Variants in FBXL7 observed in about 807,000 individuals in gnomAD.
The protein encoded by FBXL7 is F-box and leucine rich repeat protein 7.
In FBXL7, 12 loss-of-function variants were observed where a neutral mutation model predicts 38.3. The observed-to-expected ratio is 0.31, with a 90% CI of 0.20 to 0.51. The LOEUF is 0.51. Among genes scored for constraint, FBXL7 ranks in the 20% least tolerant of loss-of-function variants. The pLI is 0.98. For synonymous variants in FBXL7, 297 were observed against 300.9 expected, an observed-to-expected ratio of 0.99 and a Z score of 0.13; for missense variants, 567 against 676.4, an observed-to-expected ratio of 0.84 and a Z score of 1.79.
intron 1 of FBXL7, among the ~76,000 whole-genome samples, chr5:15,555,480 C>T (rs985623890): frequency 3.9e-5 from 6 of 152,242 alleles, no homozygotes; most frequent in Admixed American, 2.0e-4. Context: ...GGACCTTACC[C>T]GGCATCCTGG....
At chr5:15,528,178 A>C (rs1737305692) in intron 1 of FBXL7, among the ~76,000 whole-genome samples, 1 of 152,148 alleles carries the variant, frequency 6.6e-6, no homozygotes, top group African/African-American at 2.4e-5. Context: ...TAGGAAGAGT[A>C]TCGGGGACCC....
At chr5:15,757,742 A>C (rs931402963) in intron 2 of FBXL7, among the ~76,000 whole-genome samples, 1 of 152,086 alleles carries the variant, frequency 6.6e-6, no homozygotes, top group African/African-American at 2.4e-5. Flanking sequence ...TCTTTTGAGG[A>C]TAGAAGTTGG....
intron 2 of FBXL7, among the ~76,000 whole-genome samples, chr5:15,701,722 G>T (rs1743530074): frequency 6.6e-6 from 1 of 152,110 alleles, no homozygotes; most frequent in South Asian, 2.1e-4. Context: ...AACATAACAT[G>T]AAATTCAGGA....
intron 2 of FBXL7, among the ~76,000 whole-genome samples, chr5:15,634,440 G>A (rs1741111547): frequency 6.7e-6 from 1 of 149,016 alleles, no homozygotes; most frequent in Non-Finnish European, 1.5e-5. Context: ...TCCTGCCTCA[G>A]CCTCCCGAGC....
At chr5:15,689,129 C>T (rs1360850318) in intron 2 of FBXL7, among the ~76,000 whole-genome samples, 10 of 152,314 alleles carry the variant, frequency 6.6e-5, no homozygotes, top group South Asian at 6.2e-4. Context: ...ATGGGCAATG[C>T]GACAGCTCCT....
intron 2 of FBXL7, among the ~76,000 whole-genome samples, chr5:15,764,700 T>C (rs1341640521): frequency 6.6e-6 from 1 of 152,234 alleles, no homozygotes; most frequent in Non-Finnish European, 1.5e-5. Context: ...AGTTTCCTCA[T>C]CTGTGATGAA....
At chr5:15,745,841 G>C (rs1480909959) in intron 2 of FBXL7, among the ~76,000 whole-genome samples, 2 of 152,186 alleles carry the variant, frequency 1.3e-5, no homozygotes, top group African/African-American at 2.4e-5. Context: ...GAATCCATTG[G>C]AGAGTTTAAA....
intron 2 of FBXL7, among the ~76,000 whole-genome samples, chr5:15,702,235 C>CA (rs34269968): frequency 0.15 from 20,714 of 136,990 alleles, 1,520 homozygotes; most frequent in Middle Eastern, 0.22. Flanking sequence ...AGACTCCTCT[C>CA]AAAAAAAAAA....
chr5:15,812,838 G>A (rs1014312296), intron 2 of FBXL7, among the ~76,000 whole-genome samples: 1 of 152,030 alleles, frequency 6.6e-6, no homozygotes, highest in South Asian at 2.1e-4. Context: ...CCTTGAAGAG[G>A]TCCTTCACAT....
At chr5:15,613,415 G>A (rs1423407529) in intron 1 of FBXL7, among the ~76,000 whole-genome samples, 1 of 152,192 alleles carries the variant, frequency 6.6e-6, no homozygotes, top group Non-Finnish European at 1.5e-5. Flanking sequence ...GGCCACAGCT[G>A]CCAGGCCACA....
chr5:15,507,121 G>A (rs1736669078), intron 1 of FBXL7, among the ~76,000 whole-genome samples: 1 of 151,836 alleles, frequency 6.6e-6, no homozygotes, highest in Non-Finnish European at 1.5e-5. Flanking sequence ...TTTGACTACT[G>A]AATGCTGCCT....
At chr5:15,579,126 C>T (rs2126464487) in intron 1 of FBXL7, among the ~76,000 whole-genome samples, 2 of 152,272 alleles carry the variant, frequency 1.3e-5, no homozygotes, top group South Asian at 4.1e-4. Context: ...TTACAGGTTC[C>T]TAAACACAGG....
chr5:15,810,642 G>T (rs1466674808), intron 2 of FBXL7, among the ~76,000 whole-genome samples: 1 of 150,872 alleles, frequency 6.6e-6, no homozygotes, highest in Non-Finnish European at 1.5e-5. Flanking sequence ...TTTTTTATTT[G>T]CATCTTTATT....
intron 1 of FBXL7, among the ~76,000 whole-genome samples, chr5:15,615,574 C>T (rs1478939374): frequency 3.3e-5 from 5 of 152,132 alleles, no homozygotes; most frequent in East Asian, 1.9e-4. Flanking sequence ...GGCTCTTGCT[C>T]CTCTGATTAT....
intron 2 of FBXL7, among the ~76,000 whole-genome samples, chr5:15,840,350 ACCCCTCCTCCTC>A (rs1472346030): frequency 2.0e-5 from 3 of 152,056 alleles, no homozygotes; most frequent in Admixed American, 6.6e-5. Context: ...GTTAGTAAAA[ACCCCTCCTCCTC>A]ATTCTTTTCC....
At chr5:15,601,979 G>A (rs1200382975) in intron 1 of FBXL7, among the ~76,000 whole-genome samples, 1 of 152,066 alleles carries the variant, frequency 6.6e-6, no homozygotes, top group Non-Finnish European at 1.5e-5. Context: ...ATGTCCTTAT[G>A]AAAAGAGACA....
At chr5:15,914,385 CAAAA>C (rs57871930) in intron 2 of FBXL7, among the ~76,000 whole-genome samples, 2 of 81,694 alleles carry the variant, frequency 2.4e-5, no homozygotes, top group East Asian at 3.6e-4. Context: ...GACTCCCTCT[CAAAA>C]AAAAAAAAAA....
intron 2 of FBXL7, among the ~76,000 whole-genome samples, chr5:15,714,817 C>A (rs1030755721): frequency 4.1e-5 from 6 of 146,666 alleles, no homozygotes; most frequent in Non-Finnish European, 5.9e-5. Context: ...CCACTGCACT[C>A]CAGCCTGGGC....
intron 2 of FBXL7, among the ~76,000 whole-genome samples, chr5:15,802,506 C>T (rs1328401861): frequency 6.6e-6 from 1 of 152,104 alleles, no homozygotes; most frequent in Non-Finnish European, 1.5e-5. Context: ...CGCCTCAGGA[C>T]AGTGGCACTG....
Sources: gnomAD v4.1 joint callset for allele counts (sites outside exome capture counted in the v4.1 genomes callset) on GRCh38, gnomAD v4.1.1 for gene constraint, MANE v1.5 for transcripts, NCBI Gene and HGNC (gene_info 2026-07-23, HGNC 2026-07-21) for gene names.